The following ERP44 variants were observed in gnomAD, a reference collection of about 807,000 sequenced individuals.
ERP44 encodes endoplasmic reticulum protein 44.
Under a neutral mutation model 53.4 loss-of-function variants are expected in ERP44, and 25 were observed. The ratio of observed to expected loss-of-function variants is 0.47; its 90% CI spans 0.34 to 0.65. The LOEUF (loss-of-function observed/expected upper bound fraction) is 0.65, where lower values mean the gene tolerates loss of function less well. Ranked by LOEUF, ERP44 falls within the 30% of genes least tolerant of loss-of-function variation. ERP44 has a pLI of 0.01. For missense variants in ERP44, 338 were observed against 493.2 expected (o/e 0.69, Z 2.98); for synonymous variants, 145 against 161.2 (o/e 0.90, Z 0.76).
chr9:100,057,398 G>A (rs925027976), intron 3 of ERP44, among the ~76,000 whole-genome samples: 7 of 152,116 alleles, frequency 4.6e-5, no homozygotes, highest in Non-Finnish European at 1.0e-4. Context: ...GGTACATAGG[G>A]TACTGTATAA....
At chr9:100,013,415 C>G (rs1054643166) in intron 8 of ERP44, among the ~76,000 whole-genome samples, 1 of 149,040 alleles carries the variant, frequency 6.7e-6, no homozygotes, top group African/African-American at 2.5e-5. Context: ...TTGAAAGCAT[C>G]TAAGAGTGAA....
intron 1 of ERP44, among the ~76,000 whole-genome samples, chr9:100,069,642 TA>T (rs577300023): frequency 0.011 from 1,665 of 149,338 alleles, 35 homozygotes; most frequent in African/African-American, 0.037. Flanking sequence ...CCAGTTCAAA[TA>T]AAAAAAAAAT....
At chr9:100,042,326 C>T in intron 4 of ERP44, among the ~76,000 whole-genome samples, 1 of 152,228 alleles carries the variant, frequency 6.6e-6, no homozygotes, top group East Asian at 1.9e-4. Flanking sequence ...CATCACTGAT[C>T]GTCAAAGAAA....
intron 10 of ERP44, among the ~76,000 whole-genome samples, chr9:99,994,501 G>A (rs1188853231): frequency 6.6e-6 from 1 of 152,144 alleles, no homozygotes; most frequent in African/African-American, 2.4e-5. Context: ...GGGGCCTGGT[G>A]TGGGGTGAGG....
chr9:100,079,362 T>C (rs933913622), intron 1 of ERP44, among the ~76,000 whole-genome samples: 2 of 151,672 alleles, frequency 1.3e-5, no homozygotes, highest in Non-Finnish European at 2.9e-5. Context: ...AGACAGCCTA[T>C]TGTGGAACCC....
chr9:100,095,975 T>C (rs1334736630), intron 1 of ERP44, among the ~76,000 whole-genome samples: 3 of 152,176 alleles, frequency 2.0e-5, no homozygotes, highest in African/African-American at 4.8e-5. Flanking sequence ...TTTTCTTGAC[T>C]ACCTATACAT....
At chr9:99,985,141 TAAAA>T (rs1181964964) in intron 10 of ERP44, 72 bp from the exon 11 acceptor site, 2 of 1,047,538 alleles carry the variant, frequency 1.9e-6, no homozygotes, top group African/African-American at 3.2e-5. Flanking sequence ...TTCACAGTAT[TAAAA>T]AAACTTTTGC....
chr9:100,058,201 A>C (rs1826106154), intron 2 of ERP44, among the ~76,000 whole-genome samples: 1 of 152,134 alleles, frequency 6.6e-6, no homozygotes. Context: ...TCACCCTCCC[A>C]AGTAGCTAGG....
Position 100,022,191 on chromosome 9 carries a change from G to C in ERP44, c.322C>G (p.Pro108Ala). 2 of 1,613,140 alleles carry C rather than the reference G, an allele frequency of 1.2e-6. No individual in the cohort carries two copies. Among genetic ancestry groups the C allele is most frequent in the Non-Finnish European group, 1.7e-6 (2 of 1,179,578 alleles). The change falls in exon 5 of 12, where the codon CCA becomes GCA. Residue 108 changes from proline to alanine, a missense_variant. By Grantham distance (27) the Pro-to-Ala change is conservative (BLOSUM62 -1). Around this residue, in one of 3 missense-constraint regions of ERP44, gnomAD observed 224 missense variants for 301.4 expected, o/e 0.74. Coordinates refer to ENST00000262455, the MANE Select transcript of ERP44 (RefSeq NM_015051.3). ...IAQRYRISKYPTLKLFRNGMM... is the reference protein window; with the variant it reads ...IAQRYRISKYATLKLFRNGMM... ...CCATTACGAAACAATTTGAGGGTTG[G>C]GTATTTGCTTATCCTGTATCTCTGG...
intron 1 of ERP44, among the ~76,000 whole-genome samples, chr9:100,095,852 G>C (rs1826621352): frequency 6.6e-6 from 1 of 151,986 alleles, no homozygotes; most frequent in Non-Finnish European, 1.5e-5. Flanking sequence ...TAACATTAAA[G>C]GATAAAACTG....
intron 4 of ERP44, among the ~76,000 whole-genome samples, chr9:100,023,069 C>T (rs1250939755): frequency 6.6e-6 from 1 of 152,124 alleles, no homozygotes; most frequent in East Asian, 1.9e-4. Flanking sequence ...TTAATTTATA[C>T]ATAATTAACA....
At chr9:100,072,723 T>C (rs995030005) in intron 1 of ERP44, among the ~76,000 whole-genome samples, 1 of 152,150 alleles carries the variant, frequency 6.6e-6, no homozygotes, top group African/African-American at 2.4e-5. Context: ...GGTTTCACCA[T>C]GTTGGCCAGG....
chr9:99,996,475 T>A (rs1222682541), intron 10 of ERP44, among the ~76,000 whole-genome samples: 3 of 152,220 alleles, frequency 2.0e-5, no homozygotes, highest in African/African-American at 4.8e-5. Context: ...CTTTTCTTTA[T>A]AAATTACCCA....
intron 1 of ERP44, among the ~76,000 whole-genome samples, chr9:100,094,383 C>T (rs1184483780): frequency 6.6e-6 from 1 of 151,978 alleles, no homozygotes. Flanking sequence ...CCAGGCCGGG[C>T]GTGGTGGCTC....
At position 99,979,649 on chromosome 9, in the gene ERP44, A is replaced by C. The variant is rs1429018557; in HGVS notation, c.*2963T>G. The C allele has an allele frequency of 1.7e-5, 5 of 296,856 alleles. No homozygotes were observed. The East Asian group carries it at 2.2e-4, about 13-fold the overall frequency. 18.4% of individuals were successfully genotyped at this position (296,856 alleles called of 1,614,324 possible). A position where few individuals can be genotyped will look rare whatever the true frequency, so the allele number is the denominator to read the frequency against. ...AAACTCGAAGAGGTAGCTGGCTAAG[A>C]AGCAGAAAGGCCCCCTTTTGGTTCT... On this transcript the variant is annotated 3_prime_UTR_variant, in exon 12 of 12. Transcript: ENST00000262455.
intron 10 of ERP44, among the ~76,000 whole-genome samples, chr9:100,005,254 T>G (rs1391936007): frequency 1.3e-5 from 2 of 152,210 alleles, no homozygotes. Context: ...TCGCCAGAAA[T>G]CCTGGATCAG....
intron 1 of ERP44, 70 bp from the exon 2 acceptor site, chr9:100,060,242 A>C: frequency 7.5e-7 from 1 of 1,328,680 alleles, no homozygotes; most frequent in Non-Finnish European, 9.7e-7. Context: ...GCGAAGTCTA[A>C]AAATAAATGT....
At chr9:100,070,742 T>C (rs141692654) in intron 1 of ERP44, among the ~76,000 whole-genome samples, 66 of 152,312 alleles carry the variant, frequency 4.3e-4, no homozygotes, top group African/African-American at 1.4e-3. Flanking sequence ...ATAAGAAACA[T>C]TGGCTATAGA....
At chr9:100,045,464 T>G (rs1054048992) in intron 4 of ERP44, among the ~76,000 whole-genome samples, 1 of 152,176 alleles carries the variant, frequency 6.6e-6, no homozygotes, top group East Asian at 1.9e-4. Context: ...AATTTTTTTG[T>G]TGTTAAATGA....
Sources: allele counts gnomAD v4.1 joint callset (sites outside exome capture counted in the v4.1 genomes callset), GRCh38; gene constraint gnomAD v4.1.1; regional missense constraint gnomAD v4.1.1; transcripts MANE v1.5; gene names NCBI Gene and HGNC (gene_info 2026-07-23, HGNC 2026-07-21).